The following LMO3 variants were observed in gnomAD, a reference collection of about 807,000 sequenced individuals.
LMO3 encodes LIM domain only protein 3.
Under a neutral mutation model 15.8 loss-of-function variants are expected in LMO3, and 2 were observed. The observed-to-expected ratio is 0.13, with a 90% CI of 0.05 to 0.40. The LOEUF (loss-of-function observed/expected upper bound fraction) is 0.40, where lower values mean the gene tolerates loss of function less well. LMO3 is among the 10% of genes least tolerant of loss of function. The pLI is 0.99. For synonymous variants in LMO3, 62 were observed against 63.8 expected (o/e 0.97, Z 0.13); for missense variants, 86 against 182.2 (o/e 0.47, Z 3.04).
At chr12:16,568,800 TC>T (rs1280665411) in intron 2 of LMO3, among the ~76,000 whole-genome samples, 1 of 152,202 alleles carries the variant, frequency 6.6e-6, no homozygotes, top group Non-Finnish European at 1.5e-5. Context: ...GTCTATAGCT[TC>T]AGCTTTCTTT....
At chr12:16,553,254 G>A (rs898829100) in intron 3 of LMO3, among the ~76,000 whole-genome samples, 5 of 152,050 alleles carry the variant, frequency 3.3e-5, no homozygotes, top group Non-Finnish European at 5.9e-5. Context: ...TAGTTAAAAC[G>A]TTTATAGTAA....
At chr12:16,588,560 A>C (rs1356846970) in intron 2 of LMO3, among the ~76,000 whole-genome samples, 1 of 152,134 alleles carries the variant, frequency 6.6e-6, no homozygotes, top group Admixed American at 6.6e-5. Context: ...TCAGTTACAA[A>C]GGAAATAGAA....
intron 2 of LMO3, among the ~76,000 whole-genome samples, chr12:16,588,123 G>T (rs990603387): frequency 6.6e-6 from 1 of 151,922 alleles, no homozygotes; most frequent in East Asian, 1.9e-4. Flanking sequence ...CCAAATTTAA[G>T]GTGCAATACT....
intron 2 of LMO3, chr12:16,573,929 A>G (rs1342100508): frequency 6.6e-6 from 1 of 152,186 alleles, no homozygotes; most frequent in African/African-American, 2.4e-5. Context: ...CCCTCACTCT[A>G]TCTACATCAA....
At chr12:16,569,509 CTTACGAGCAGGTG>C (rs1942735590) in intron 2 of LMO3, among the ~76,000 whole-genome samples, 1 of 152,128 alleles carries the variant, frequency 6.6e-6, no homozygotes, top group Non-Finnish European at 1.5e-5. Context: ...TTTCCAAAGC[CTTACGAGCAGGTG>C]TTACTGCTAT....
At position 16,575,266 on chromosome 12, in the gene LMO3, A is replaced by C. The variant is rs142914967; in HGVS notation, c.207-14728T>G. 1.4e-3 allele frequency among the ~76,000 whole-genome samples: 212 copies of C among 152,318 alleles called. 2 individuals are homozygous for C. Among genetic ancestry groups the C allele is most frequent in the African/African-American group, 4.8e-3 (198 of 41,564 alleles). ...ATGGAAGCTTTGTTTATCTTCAAAAATATAGGCATAAGGTCAATTTCCACA... is the reference window on the plus strand; with the variant it reads ...ATGGAAGCTTTGTTTATCTTCAAAACTATAGGCATAAGGTCAATTTCCACA... On this transcript the variant is annotated intron_variant, in intron 2 of 3. Transcript: ENST00000537304.
rs980647727 is a variant in LMO3, at chr12:16,550,243, A to C, written c.*979T>G. ...CATTTATTAAGCCATAAAGTTATGA[A>C]ACCCTCAGCTCTTGTGGAGAGATCT... On this transcript the variant is annotated 3_prime_UTR_variant, in exon 4 of 4. Coordinates refer to ENST00000537304, the MANE Select transcript of LMO3 (RefSeq NM_018640.5). 1.2e-4 allele frequency: 19 copies of C among 152,542 alleles called. No individual in the cohort carries two copies. Among genetic ancestry groups the C allele is most frequent in the African/African-American group, 4.6e-4 (19 of 41,560 alleles). 9.4% of individuals were successfully genotyped at this position (152,542 alleles called of 1,614,324 possible).
intron 2 of LMO3, among the ~76,000 whole-genome samples, chr12:16,580,873 G>A (rs939370879): frequency 1.2e-4 from 19 of 152,088 alleles, no homozygotes; most frequent in African/African-American, 4.6e-4. Flanking sequence ...AAACAGAATT[G>A]ACCACTGTTA....
chr12:16,565,857 T>A (rs1052827715), intron 2 of LMO3, among the ~76,000 whole-genome samples: 1 of 150,912 alleles, frequency 6.6e-6, no homozygotes, highest in Non-Finnish European at 1.5e-5. Flanking sequence ...AAAATCCCAC[T>A]ACTGGAAATC....
chr12:16,576,780 C>T lies in LMO3; in HGVS notation c.207-16242G>A, dbSNP rs1943008044. On this transcript the variant is annotated intron_variant, in intron 2 of 3. Coordinates refer to ENST00000537304, the MANE Select transcript of LMO3 (RefSeq NM_018640.5). The surrounding 1 kb of genome is among the most constrained non-coding windows in gnomAD (Gnocchi z 4.1). ...CATACAGGGATTTTACTTATGACCC[C>T]TAGATTAGTACCATCTATTTTTAAA... Among the ~76,000 whole-genome samples the T allele has an allele frequency of 6.6e-6, 1 of 152,196 alleles. No homozygotes were observed. Among genetic ancestry groups the T allele is most frequent in the Admixed American group, 6.5e-5 (1 of 15,280 alleles).
rs1356803510 is a variant in LMO3 at position 16,585,578 on chromosome 12, G to A, written c.206+15077C>T. 6.6e-6 allele frequency among the ~76,000 whole-genome samples: 1 copy of A among 152,064 alleles called. No homozygotes were observed. Among genetic ancestry groups the A allele is most frequent in the African/African-American group, 2.4e-5 (1 of 41,394 alleles). ...CTAAATTCCTCTCACTCAGCTATCT[G>A]AGCATCTCTCATGCATCAGGCCCTA... On this transcript the variant is annotated intron_variant, in intron 2 of 3. Coordinates refer to ENST00000537304, the MANE Select transcript of LMO3 (RefSeq NM_018640.5). This position sits in a 1 kb window ranked among gnomAD's most constrained non-coding sequence, Gnocchi z 4.7.
At chr12:16,571,586 C>A (rs1942813544) in intron 2 of LMO3, among the ~76,000 whole-genome samples, 1 of 151,948 alleles carries the variant, frequency 6.6e-6, no homozygotes, top group Non-Finnish European at 1.5e-5. Context: ...TTATCTTTAT[C>A]AAAAATGTCC....
In LMO3 at chr12:16,587,241, G is replaced by T. The variant is rs1430277122; in HGVS notation, c.206+13414C>A. Reference sequence around the variant, plus strand: ...AAAGTGATTCAGATTAAACAGCTCTGACTATCCATTTTAAGAAAATCACTG... The same window carrying T: ...AAAGTGATTCAGATTAAACAGCTCTTACTATCCATTTTAAGAAAATCACTG... On this transcript the variant is annotated intron_variant, in intron 2 of 3. Transcript: ENST00000537304. This position sits in a 1 kb window ranked among gnomAD's most constrained non-coding sequence, Gnocchi z 4.3. Among the ~76,000 whole-genome samples the T allele has an allele frequency of 2.6e-5, 4 of 152,162 alleles. No individual in the cohort carries two copies. The highest frequency in any genetic ancestry group is 4.8e-5 in the African/African-American group (2 of 41,440).
At chr12:16,551,406 T>G (rs1056898869) in intron 3 of LMO3, 79 bp from the exon 4 acceptor site, 1 of 873,374 alleles carries the variant, frequency 1.1e-6, no homozygotes, top group Non-Finnish European at 1.9e-6. Flanking sequence ...ATTTTCCTAT[T>G]AATAGTTTCG....
intron 2 of LMO3, among the ~76,000 whole-genome samples, chr12:16,568,119 A>C (rs1264031079): frequency 6.6e-6 from 1 of 152,212 alleles, no homozygotes; most frequent in Non-Finnish European, 1.5e-5. Flanking sequence ...ATCTTGGTGA[A>C]AGTTATTGTC....
chr12:16,601,009 A>T (rs1591832830), intron 1 of LMO3, 141 bp from the exon 2 acceptor site: 1 of 634,958 alleles, frequency 1.6e-6, no homozygotes, highest in East Asian at 2.8e-5. Context: ...ATCAAACCCA[A>T]TTTTGGAAAC....
chr12:16,581,488 A>G (rs543544188), intron 2 of LMO3, among the ~76,000 whole-genome samples: 1 of 152,344 alleles, frequency 6.6e-6, no homozygotes, highest in East Asian at 1.9e-4. Flanking sequence ...CATAAAGGCA[A>G]ATATTTCTGT....
rs555144196 is a variant in LMO3 at position 16,604,361 on chromosome 12, C to A, written c.-9+1705G>T. Reference sequence around the variant, plus strand: ...GCCCCCTTCCCTATCCTTCACCCCCCTCCCCTTTTTGAGCAATGGAGCTGG... The same window carrying A: ...GCCCCCTTCCCTATCCTTCACCCCCATCCCCTTTTTGAGCAATGGAGCTGG... On this transcript the variant is annotated intron_variant, in intron 1 of 3. Coordinates refer to ENST00000537304, the MANE Select transcript of LMO3 (RefSeq NM_018640.5). This position sits in a 1 kb window ranked among gnomAD's most constrained non-coding sequence, Gnocchi z 5.3. 6.6e-5 allele frequency among the ~76,000 whole-genome samples: 10 copies of A among 152,238 alleles called. 1 individual carries two copies. The South Asian group carries it at 1.9e-3, about 28-fold the overall frequency.
intron 3 of LMO3, 51 bp from the exon 4 acceptor site, chr12:16,551,378 C>G (rs2137245027): frequency 9.2e-7 from 1 of 1,090,706 alleles, no homozygotes; most frequent in Middle Eastern, 2.0e-4. Flanking sequence ...TCACTTGGAT[C>G]TAGAAATTTG....
Sources: allele counts gnomAD v4.1 joint callset (sites outside exome capture counted in the v4.1 genomes callset), GRCh38; gene constraint gnomAD v4.1.1; non-coding constraint Gnocchi (gnomAD v3.1); transcripts MANE v1.5; gene names NCBI Gene and HGNC (gene_info 2026-07-23, HGNC 2026-07-21).